PRKCE: variants seen among roughly 807,000 people sequenced by gnomAD.
PRKCE encodes protein kinase C epsilon.
In PRKCE, 16 loss-of-function variants were observed where a neutral mutation model predicts 85.4. The ratio of observed to expected loss-of-function variants is 0.19; its 90% CI spans 0.13 to 0.28. PRKCE has a LOEUF of 0.28. Ranked by LOEUF, PRKCE falls within the 10% of genes least tolerant of loss-of-function variation. The probability of loss-of-function intolerance (pLI) is 1.00; values close to 1 mark genes in which losing one functional copy is unlikely to be tolerated. For synonymous variants in PRKCE, 388 were observed against 371.5 expected, an observed-to-expected ratio of 1.04 and a Z score of -0.51; for missense variants, 573 against 975.2, an observed-to-expected ratio of 0.59 and a Z score of 5.49.
chr2:45,972,009 T>C (rs1184348318), intron 2 of PRKCE, among the ~76,000 whole-genome samples: 3 of 152,204 alleles, frequency 2.0e-5, no homozygotes, highest in Admixed American at 1.3e-4. Flanking sequence ...CAAATGGTAG[T>C]TCTATTTTTC....
chr2:46,056,528 A>G (rs1236192477), intron 10 of PRKCE, among the ~76,000 whole-genome samples: 1 of 152,208 alleles, frequency 6.6e-6, no homozygotes. Context: ...TCTTTCTTAA[A>G]AGGTATTGCG....
At chr2:45,657,263 C>T (rs552988761) in intron 1 of PRKCE, among the ~76,000 whole-genome samples, 4 of 152,268 alleles carry the variant, frequency 2.6e-5, no homozygotes, top group South Asian at 2.1e-4. Context: ...GGTGATTCCC[C>T]GGAGCAGCGA....
intron 2 of PRKCE, among the ~76,000 whole-genome samples, chr2:45,947,389 T>A (rs1203590936): frequency 1.3e-5 from 2 of 152,134 alleles, no homozygotes; most frequent in Non-Finnish European, 2.9e-5. Flanking sequence ...GATGAAAATG[T>A]TCTAAAATTG....
chr2:46,164,865 A>C (rs1397696261), intron 14 of PRKCE: 1 of 152,328 alleles, frequency 6.6e-6, no homozygotes, highest in East Asian at 1.9e-4. Context: ...ATGCAACAGC[A>C]CAACAGCTTT....
intron 1 of PRKCE, among the ~76,000 whole-genome samples, chr2:45,735,828 A>T (rs1682010410): frequency 6.6e-6 from 1 of 152,238 alleles, no homozygotes; most frequent in African/African-American, 2.4e-5. Flanking sequence ...ATAAAGGCCA[A>T]GGCTTTCATT....
At chr2:46,045,724 C>T (rs1708482283) in intron 10 of PRKCE, among the ~76,000 whole-genome samples, 1 of 152,012 alleles carries the variant, frequency 6.6e-6, no homozygotes, top group South Asian at 2.1e-4. Flanking sequence ...ACTAAAAATA[C>T]AGAAATTAGC....
At chr2:46,058,063 A>G (rs191705809) in intron 10 of PRKCE, among the ~76,000 whole-genome samples, 3 of 152,368 alleles carry the variant, frequency 2.0e-5, no homozygotes, top group African/African-American at 7.2e-5. Context: ...GCAACAGTGA[A>G]GTAATGGGCA....
intron 2 of PRKCE, among the ~76,000 whole-genome samples, chr2:45,866,287 TTTAA>T (rs982519655): frequency 2.6e-5 from 4 of 152,126 alleles, no homozygotes; most frequent in Non-Finnish European, 4.4e-5. Flanking sequence ...TTTTTATTTA[TTTAA>T]TTAATTAATT....
At chr2:45,909,104 C>T (rs1008727463) in intron 2 of PRKCE, among the ~76,000 whole-genome samples, 4 of 152,180 alleles carry the variant, frequency 2.6e-5, no homozygotes, top group African/African-American at 4.8e-5. Context: ...GCTAAAATAA[C>T]GTCATTAGTC....
chr2:46,001,593 A>G lies in PRKCE; in HGVS notation c.966+47A>G. The G allele has an allele frequency of 6.4e-7, 1 of 1,574,628 alleles. No individual in the cohort carries two copies. On this transcript the variant is annotated intron_variant, in intron 7 of 14. Coordinates refer to ENST00000306156, the MANE Select transcript of PRKCE (RefSeq NM_005400.3). This position sits in a 1 kb window ranked among gnomAD's most constrained non-coding sequence, Gnocchi z 4.4. ...TTGCTGGAGCCCTTTTCAGGCTAGC[A>G]TTTCTGTGCTGACTTCCAGAGGGTG...
chr2:46,085,455 G>A (rs1001227724), intron 10 of PRKCE, among the ~76,000 whole-genome samples: 1 of 152,156 alleles, frequency 6.6e-6, no homozygotes, highest in Non-Finnish European at 1.5e-5. Context: ...CAAGAGTCTA[G>A]CATCACTGGG....
chr2:45,654,091 A>C (rs73926023), intron 1 of PRKCE, among the ~76,000 whole-genome samples: 7,529 of 152,272 alleles, frequency 0.049, 599 homozygotes, highest in African/African-American at 0.17. Context: ...GGGTGGAAAA[A>C]ACTTGACGCT....
intron 1 of PRKCE, among the ~76,000 whole-genome samples, chr2:45,664,165 G>A (rs1675807262): frequency 6.6e-6 from 1 of 152,198 alleles, no homozygotes; most frequent in South Asian, 2.1e-4. Flanking sequence ...TTTATTGATA[G>A]GTCTGATAGG....
rs1680474058 is a variant in PRKCE at position 46,186,713 on chromosome 2, A to G, written c.*1832A>G. ...TTATACCCTGATAGAGATGGGGGAG[A>G]GAAAGGAATGTTTTTGATGGTGGTT... On this transcript the variant is annotated 3_prime_UTR_variant, in exon 15 of 15. Coordinates refer to ENST00000306156, the MANE Select transcript of PRKCE (RefSeq NM_005400.3). 1 of 152,608 alleles carries G rather than the reference A, an allele frequency of 6.6e-6. No individual in the cohort carries two copies. The highest frequency in any genetic ancestry group is 2.4e-5 in the African/African-American group (1 of 41,460). The allele number at this position is 152,608 out of a possible 1,614,324, so 9.5% of individuals were successfully genotyped here.
chr2:45,980,474 C>A, intron 5 of PRKCE, 93 bp downstream of exon 5: 2 of 1,146,230 alleles, frequency 1.7e-6, no homozygotes, highest in Non-Finnish European at 2.6e-6. Context: ...ACCTTCTCTG[C>A]CTGAGACCCT....
In PRKCE at chr2:45,931,718, T is replaced by A. The variant is rs545047024; in HGVS notation, c.413-44711T>A. Among the ~76,000 whole-genome samples, 98 of 152,276 alleles carry A rather than the reference T, an allele frequency of 6.4e-4. 1 individual carries two copies. Among genetic ancestry groups the A allele is most frequent in the African/African-American group, 2.1e-3 (86 of 41,544 alleles). On this transcript the variant is annotated intron_variant, in intron 2 of 14. Transcript: ENST00000306156. ...GTGAGTATACAGGTGACTGAATTTT[T>A]TTTTTTGAGAGAGAGTCTTGCTCTG... is the stretch of plus-strand genomic sequence containing the variant.
intron 1 of PRKCE, among the ~76,000 whole-genome samples, chr2:45,824,978 C>G (rs6719000): frequency 0.12 from 18,383 of 152,060 alleles, 1,977 homozygotes; most frequent in African/African-American, 0.28. Flanking sequence ...TGGTGGGAAC[C>G]GGGAAAAGGT....
At chr2:46,125,561 A>C (rs1217816839) in intron 11 of PRKCE, among the ~76,000 whole-genome samples, 6 of 152,234 alleles carry the variant, frequency 3.9e-5, no homozygotes, top group African/African-American at 1.4e-4. Context: ...TTAACCATAC[A>C]TCATCAGGAG....
intron 13 of PRKCE, among the ~76,000 whole-genome samples, chr2:46,157,654 G>A (rs1677346963): frequency 6.6e-6 from 1 of 152,228 alleles, no homozygotes; most frequent in Non-Finnish European, 1.5e-5. Flanking sequence ...TTCATGAGAA[G>A]AGCATCTTCC....
Sources: allele counts gnomAD v4.1 joint callset (sites outside exome capture counted in the v4.1 genomes callset), GRCh38; gene constraint gnomAD v4.1.1; non-coding constraint Gnocchi (gnomAD v3.1); transcripts MANE v1.5; gene names NCBI Gene and HGNC (gene_info 2026-07-23, HGNC 2026-07-21).